TRERF1: variants seen among roughly 807,000 people sequenced by gnomAD.
The protein encoded by TRERF1 is transcriptional-regulating factor 1.
Under a neutral mutation model 122.9 loss-of-function variants are expected in TRERF1, and 27 were observed. The observed-to-expected ratio is 0.22, with a 90% confidence interval of 0.16 to 0.30. The LOEUF is 0.30. Among genes scored for constraint, TRERF1 ranks in the 10% least tolerant of loss-of-function variants. The pLI is 1.00. For missense variants in TRERF1, 1,248 were observed against 1,560.3 expected, an observed-to-expected ratio of 0.80 and a Z score of 3.37; for synonymous variants, 636 against 641.7, an observed-to-expected ratio of 0.99 and a Z score of 0.13.
intron 2 of TRERF1, among the ~76,000 whole-genome samples, chr6:42,386,269 C>T (rs781186471): frequency 4.6e-5 from 7 of 152,168 alleles, no homozygotes; most frequent in Non-Finnish European, 1.0e-4. Context: ...TTCTGACATA[C>T]AGTGACTGTA....
At chr6:42,290,741 CTTTTTTTTTTTTTT>C (rs144168592) in intron 4 of TRERF1, among the ~76,000 whole-genome samples, 3 of 92,414 alleles carry the variant, frequency 3.2e-5, no homozygotes, top group Admixed American at 1.4e-4. Flanking sequence ...CATTTCTTTC[CTTTTTTTTTTTTTT>C]TTTTTTTTTG....
chr6:42,339,114 G>A (rs1373095180), intron 3 of TRERF1, among the ~76,000 whole-genome samples: 1 of 152,346 alleles, frequency 6.6e-6, no homozygotes, highest in Non-Finnish European at 1.5e-5. Context: ...CGGAAAGACT[G>A]AAAACTCTTA....
chr6:42,301,732 C>T (rs1464573676), intron 3 of TRERF1, among the ~76,000 whole-genome samples: 1 of 152,220 alleles, frequency 6.6e-6, no homozygotes. Flanking sequence ...GAACTTATCT[C>T]ATGGACCGCT....
chr6:42,324,903 G>A (rs1337359052), intron 3 of TRERF1, among the ~76,000 whole-genome samples: 1 of 152,124 alleles, frequency 6.6e-6, no homozygotes, highest in Non-Finnish European at 1.5e-5. Context: ...TTGACAAGTA[G>A]GGCCTAATTA....
At chr6:42,368,441 A>G (rs1188969831) in intron 2 of TRERF1, among the ~76,000 whole-genome samples, 1 of 152,174 alleles carries the variant, frequency 6.6e-6, no homozygotes, top group Non-Finnish European at 1.5e-5. Flanking sequence ...TTAGGAAGAG[A>G]CAAAACCAAG....
At chr6:42,391,586 C>A (rs1296122101) in intron 2 of TRERF1, among the ~76,000 whole-genome samples, 1 of 152,130 alleles carries the variant, frequency 6.6e-6, no homozygotes, top group East Asian at 1.9e-4. Context: ...CCCATGCCTT[C>A]CTGCATCCAC....
chr6:42,353,951 T>C (rs1387528110), intron 3 of TRERF1, among the ~76,000 whole-genome samples: 1 of 152,244 alleles, frequency 6.6e-6, no homozygotes, highest in East Asian at 1.9e-4. Context: ...CTTTCAACAA[T>C]GGATATGTAT....
chr6:42,289,430 G>A (rs1783910465), intron 4 of TRERF1, among the ~76,000 whole-genome samples: 1 of 108,248 alleles, frequency 9.2e-6, no homozygotes, highest in Non-Finnish European at 2.1e-5. Context: ...GGTGAGCTAA[G>A]TTCTTCTGTT....
At chr6:42,327,331 C>T (rs1764465996) in intron 3 of TRERF1, among the ~76,000 whole-genome samples, 1 of 152,156 alleles carries the variant, frequency 6.6e-6, no homozygotes, top group South Asian at 2.1e-4. Flanking sequence ...CCCTTTAATT[C>T]CCTTTTACAG....
At chr6:42,241,697 G>C (rs1773750046) in intron 15 of TRERF1, among the ~76,000 whole-genome samples, 2 of 152,096 alleles carry the variant, frequency 1.3e-5, no homozygotes, top group South Asian at 4.2e-4. Flanking sequence ...CCTGACCTTA[G>C]ATGATCTGCC....
intron 2 of TRERF1, among the ~76,000 whole-genome samples, chr6:42,422,054 C>A (rs1782848888): frequency 6.6e-6 from 1 of 151,538 alleles, no homozygotes; most frequent in African/African-American, 2.4e-5. Context: ...ACCTGTAGTC[C>A]CAGCTATGTG....
chr6:42,333,240 G>T (rs1452732595), intron 3 of TRERF1, among the ~76,000 whole-genome samples: 1 of 152,226 alleles, frequency 6.6e-6, no homozygotes, highest in Non-Finnish European at 1.5e-5. Context: ...ATTTTCAGAA[G>T]CTCATTTCAT....
chr6:42,311,561 G>A (rs1455189799), intron 3 of TRERF1, among the ~76,000 whole-genome samples: 1 of 151,920 alleles, frequency 6.6e-6, no homozygotes, highest in Non-Finnish European at 1.5e-5. Flanking sequence ...TCAGGAGATC[G>A]AGACCATCCT....
At position 42,439,871 on chromosome 6, in the gene TRERF1, T is replaced by C. The variant is rs1424847728; in HGVS notation, c.-454+11306A>G. ...CAGACAGTATGTCCTGTGAACTTCT[T>C]CAGAAATTCTGCCTTTTTCTGGTGG... is the stretch of plus-strand genomic sequence containing the variant. On this transcript the variant is annotated intron_variant, in intron 2 of 17. Coordinates refer to ENST00000372922, the Ensembl canonical transcript of TRERF1. 2.6e-5 allele frequency among the ~76,000 whole-genome samples: 4 copies of C among 152,350 alleles called. No homozygotes were observed. The East Asian group carries it at 5.8e-4, about 22-fold the overall frequency.
intron 3 of TRERF1, among the ~76,000 whole-genome samples, chr6:42,305,995 CTTTTTTT>C (rs55700516): frequency 7.2e-5 from 5 of 69,464 alleles, no homozygotes; most frequent in South Asian, 6.6e-4. Context: ...AATATCTCTC[CTTTTTTT>C]TTTTTTTTTT....
intron 4 of TRERF1, among the ~76,000 whole-genome samples, chr6:42,277,297 G>C (rs1361050141): frequency 6.6e-6 from 1 of 152,080 alleles, no homozygotes; most frequent in African/African-American, 2.4e-5. Context: ...TCCACCTCCA[G>C]GGCCCTGGCT....
chr6:42,332,160 C>A (rs1765353470), intron 3 of TRERF1, among the ~76,000 whole-genome samples: 1 of 152,236 alleles, frequency 6.6e-6, no homozygotes, highest in African/African-American at 2.4e-5. Context: ...CCAGGCTGGT[C>A]TCAAACTGCT....
rs77301237 is a variant in TRERF1, at chr6:42,362,241, A to G, written c.-371+756T>C. Among the ~76,000 whole-genome samples, 885 of 152,328 alleles carry G rather than the reference A, an allele frequency of 5.8e-3. 7 individuals carry two copies. The highest frequency in any genetic ancestry group is 9.1e-3 in the Non-Finnish European group (618 of 68,022). On this transcript the variant is annotated intron_variant, in intron 3 of 17. Transcript: ENST00000372922. ...AAATTAAATCAGAATCAGGCACAAT[A>G]AAAAAGAAACCGAAGCAATCAATTC...
intron 2 of TRERF1, among the ~76,000 whole-genome samples, chr6:42,442,696 A>G (rs926937918): frequency 6.6e-5 from 10 of 152,246 alleles, no homozygotes; most frequent in African/African-American, 2.4e-4. Context: ...TCATCTGAGT[A>G]TTTCCAACTA....
Sources: allele counts gnomAD v4.1 joint callset (sites outside exome capture counted in the v4.1 genomes callset), GRCh38; gene constraint gnomAD v4.1.1; transcripts MANE v1.5; gene names NCBI Gene and HGNC (gene_info 2026-07-23, HGNC 2026-07-21).